Variants in SLC30A8 observed in about 807,000 individuals in gnomAD.
SLC30A8 encodes solute carrier family 30 member 8.
A neutral mutation model predicts 36.9 loss-of-function variants in SLC30A8; 27 were observed. The ratio of observed to expected loss-of-function variants is 0.73; its 90% confidence interval spans 0.54 to 1.01. The LOEUF is 1.01. Among genes scored for constraint, SLC30A8 ranks in the 50% least tolerant of loss-of-function variants. The pLI is 0.00. For missense variants in SLC30A8, 439 were observed against 452.0 expected, an observed-to-expected ratio of 0.97 and a Z score of 0.26; for synonymous variants, 164 against 172.4, an observed-to-expected ratio of 0.95 and a Z score of 0.38.
At chr8:117,149,072 A>C (rs540998779) in intron 2 of SLC30A8, among the ~76,000 whole-genome samples, 15 of 152,306 alleles carry the variant, frequency 9.8e-5, no homozygotes, top group African/African-American at 3.6e-4. Flanking sequence ...TATCACGTTA[A>C]ACAATACCTT....
chr8:117,153,154 G>A (rs542379622), intron 3 of SLC30A8, 64 bp downstream of exon 3: 26 of 1,456,304 alleles, frequency 1.8e-5, no homozygotes, highest in Middle Eastern at 3.9e-4. Flanking sequence ...AAGGGTAAAA[G>A]TGGAAGACAC....
At chr8:117,071,927 T>C (rs1164543571) in intron 2 of SLC30A8, among the ~76,000 whole-genome samples, 1 of 151,970 alleles carries the variant, frequency 6.6e-6, no homozygotes, top group Non-Finnish European at 1.5e-5. Flanking sequence ...CATCTCCCAT[T>C]AGCCTATCTC....
intron 1 of SLC30A8, among the ~76,000 whole-genome samples, chr8:117,013,325 T>C (rs925165523): frequency 6.6e-6 from 1 of 152,208 alleles, no homozygotes; most frequent in East Asian, 1.9e-4. Context: ...CTCTACTGCA[T>C]GATTCCTTCT....
intron 1 of SLC30A8, among the ~76,000 whole-genome samples, chr8:117,009,678 T>C (rs1816283834): frequency 6.6e-6 from 1 of 152,172 alleles, no homozygotes; most frequent in Non-Finnish European, 1.5e-5. Flanking sequence ...AGCTGATAAA[T>C]TCAGGCTGTT....
intron 1 of SLC30A8, among the ~76,000 whole-genome samples, chr8:116,961,269 A>C (rs1323313586): frequency 1.3e-5 from 2 of 152,120 alleles, no homozygotes; most frequent in Non-Finnish European, 2.9e-5. Context: ...CTCTACTAAA[A>C]ATACAAAAAA....
intron 1 of SLC30A8, among the ~76,000 whole-genome samples, chr8:117,002,768 C>A (rs1401618391): frequency 6.6e-6 from 1 of 152,070 alleles, no homozygotes; most frequent in Non-Finnish European, 1.5e-5. Context: ...CCATGCCCAG[C>A]TAATTTTTGG....
upstream of SLC30A8, among the ~76,000 whole-genome samples, chr8:117,131,823 C>T (rs1477763956): frequency 6.6e-6 from 1 of 151,920 alleles, no homozygotes; most frequent in Non-Finnish European, 1.5e-5. Context: ...ATCTGTTTTC[C>T]TCTTCACAAG....
At chr8:117,096,188 G>A (rs957672739) in intron 2 of SLC30A8, among the ~76,000 whole-genome samples, 2 of 152,184 alleles carry the variant, frequency 1.3e-5, no homozygotes, top group Non-Finnish European at 2.9e-5. Flanking sequence ...GCATTATTAA[G>A]AAGGAGAACT....
At chr8:116,982,576 G>C (rs1815307213) in intron 1 of SLC30A8, among the ~76,000 whole-genome samples, 1 of 152,124 alleles carries the variant, frequency 6.6e-6, no homozygotes, top group Non-Finnish European at 1.5e-5. Flanking sequence ...TACTTAATTA[G>C]TCCAGTTCAG....
chr8:117,065,089 A>G (rs1354736615), intron 2 of SLC30A8, among the ~76,000 whole-genome samples: 1 of 152,174 alleles, frequency 6.6e-6, no homozygotes, highest in Non-Finnish European at 1.5e-5. Context: ...ATTTTATTAT[A>G]TGCATTTTAA....
At chr8:117,162,825 C>T (rs981798476) in intron 5 of SLC30A8, among the ~76,000 whole-genome samples, 1 of 152,200 alleles carries the variant, frequency 6.6e-6, no homozygotes, top group African/African-American at 2.4e-5. Flanking sequence ...AGAACTTTCT[C>T]AAGGGTAGAA....
chr8:116,991,235 A>G (rs1210016185), intron 1 of SLC30A8, among the ~76,000 whole-genome samples: 1 of 152,108 alleles, frequency 6.6e-6, no homozygotes, highest in Non-Finnish European at 1.5e-5. Flanking sequence ...ATCTTTAGTC[A>G]AGAATCTTTT....
At chr8:116,976,834 T>TCTTTTC (rs1815044867) in intron 1 of SLC30A8, among the ~76,000 whole-genome samples, 4 of 143,074 alleles carry the variant, frequency 2.8e-5, no homozygotes, top group African/African-American at 1.2e-4. Context: ...TTTTTTTTTT[T>TCTTTTC]TTTTACAGAG....
At chr8:117,088,976 A>C (rs1818996262) in intron 2 of SLC30A8, among the ~76,000 whole-genome samples, 1 of 152,154 alleles carries the variant, frequency 6.6e-6, no homozygotes, top group Non-Finnish European at 1.5e-5. Flanking sequence ...TCCCAAATCC[A>C]CTTGAACATG....
At chr8:117,111,131 T>A (rs1254750726) in intron 2 of SLC30A8, among the ~76,000 whole-genome samples, 1 of 152,140 alleles carries the variant, frequency 6.6e-6, no homozygotes, top group Non-Finnish European at 1.5e-5. Context: ...TTTGTAGGTG[T>A]TTGTAATAAT....
chr8:117,094,949 G>T (rs1819294765), intron 2 of SLC30A8, among the ~76,000 whole-genome samples: 1 of 152,242 alleles, frequency 6.6e-6, no homozygotes, highest in Admixed American at 6.5e-5. Flanking sequence ...GCCTGGCCAG[G>T]CTGTGACAGC....
intron 1 of SLC30A8, among the ~76,000 whole-genome samples, chr8:116,984,226 A>G (rs1459822943): frequency 6.6e-6 from 1 of 151,972 alleles, no homozygotes; most frequent in Non-Finnish European, 1.5e-5. Context: ...TGACATTAGG[A>G]TTGTTTCTAG....
At chr8:116,964,597 C>T (rs1814536771) in intron 1 of SLC30A8, among the ~76,000 whole-genome samples, 1 of 152,166 alleles carries the variant, frequency 6.6e-6, no homozygotes, top group Non-Finnish European at 1.5e-5. Flanking sequence ...CTGAGAATAA[C>T]CCATTTCCTA....
chr8:117,110,349 T>A (rs1820171999), intron 2 of SLC30A8, among the ~76,000 whole-genome samples: 1 of 152,096 alleles, frequency 6.6e-6, no homozygotes, highest in Non-Finnish European at 1.5e-5. Context: ...AGGTGAGGAC[T>A]TCTTTCCAGC....
Sources: gnomAD v4.1 joint callset for allele counts (sites outside exome capture counted in the v4.1 genomes callset) on GRCh38, gnomAD v4.1.1 for gene constraint, MANE v1.5 for transcripts, NCBI Gene and HGNC (gene_info 2026-07-23, HGNC 2026-07-21) for gene names.